TAL1: variants seen among roughly 807,000 people sequenced by gnomAD.
TAL1 encodes the protein TAL bHLH transcription factor 1, erythroid differentiation factor.
TAL1 carries 8 observed loss-of-function variants against 17.9 expected under a neutral mutation model. That is an observed-to-expected ratio of 0.45 (90% CI 0.26 to 0.81). The LOEUF (loss-of-function observed/expected upper bound fraction) is 0.81. Ranked by LOEUF, TAL1 falls within the 30% of genes least tolerant of loss-of-function variation. TAL1 has a pLI of 0.17. For missense variants in TAL1, 466 were observed against 486.9 expected, an observed-to-expected ratio of 0.96 and a Z score of 0.40; for synonymous variants, 223 against 218.6, an observed-to-expected ratio of 1.02 and a Z score of -0.18.
At chr1:47,227,031 T>G (rs2148593432) in intron 1 of TAL1, 1 of 152,354 alleles carries the variant, frequency 6.6e-6, no homozygotes, top group East Asian at 1.9e-4. Flanking sequence ...ACTCACAGCC[T>G]ATCTGTGAGA....
exon 1 of TAL1, chr1:47,229,419 G>A (rs544222953): frequency 2.2e-5 from 4 of 180,296 alleles, no homozygotes; most frequent in African/African-American, 7.1e-5. Flanking sequence ...CAAGAGGGAG[G>A]GAGAGAGAGA....
chr1:47,220,110 A>T, exon 4 of TAL1: 1 of 1,608,268 alleles, frequency 6.2e-7, no homozygotes, highest in Non-Finnish European at 8.5e-7. Context: ...CCCCGTTCAC[A>T]TTCTGCTGCC....
chr1:47,224,041 C>A, exon 3 of TAL1: 1 of 1,613,964 alleles, frequency 6.2e-7, no homozygotes, highest in Non-Finnish European at 8.5e-7. Context: ...AAGGTCTCCT[C>A]TTCACTCGAT....
chr1:47,220,932 G>T (rs891741343), intron 3 of TAL1, among the ~76,000 whole-genome samples: 1 of 152,232 alleles, frequency 6.6e-6, no homozygotes, highest in Non-Finnish European at 1.5e-5. Context: ...AGCTCCAGTG[G>T]CTGGGAAGGC....
chr1:47,224,102 T>C lies in TAL1; in HGVS notation c.447-4A>G. ...ATCCGGCTCCCCAAAGAACCCGCTG[T>C]GGGAGGGAACGGGCAGATCACAAGA... On this transcript the variant is annotated splice_region_variant and splice_polypyrimidine_tract_variant and intron_variant, in intron 2 of 3. Transcript: ENST00000294339. 6.2e-7 allele frequency: 1 copy of C among 1,613,568 alleles called. No individual in the cohort carries two copies. The highest frequency in any genetic ancestry group is 1.1e-5 in the South Asian group (1 of 91,080).
At chr1:47,217,650 C>A in exon 4 of TAL1, 1 of 398,610 alleles carries the variant, frequency 2.5e-6, no homozygotes, top group East Asian at 3.6e-5. Flanking sequence ...AGGAGATAGG[C>A]CAAGCCAGAG....
At chr1:47,216,699 C>T (rs555315565) in exon 4 of TAL1, 15 of 231,760 alleles carry the variant, frequency 6.5e-5, no homozygotes, top group Non-Finnish European at 1.2e-4. Context: ...GTTGTACCAT[C>T]TTGTCATCTG....
chr1:47,226,863 TC>T (rs1643920257), intron 1 of TAL1, among the ~76,000 whole-genome samples: 1 of 152,208 alleles, frequency 6.6e-6, no homozygotes, highest in Non-Finnish European at 1.5e-5. Flanking sequence ...CTTGAACTCT[TC>T]CAGCCCCCCT....
chr1:47,229,593 G>T, exon 1 of TAL1: 1 of 163,006 alleles, frequency 6.1e-6, no homozygotes, highest in East Asian at 1.4e-4. Context: ...ATCAGGAATA[G>T]CTATTTAGTC....
At chr1:47,216,739 C>A (rs1003411477) in exon 4 of TAL1, 46 of 231,632 alleles carry the variant, frequency 2.0e-4, no homozygotes, top group African/African-American at 1.0e-3. Context: ...ATGAATTTGT[C>A]TTAAAAGATG....
At chr1:47,219,790 G>T in exon 4 of TAL1, 1 of 1,611,830 alleles carries the variant, frequency 6.2e-7, no homozygotes. Flanking sequence ...GTGCTTGGGC[G>T]CGGGCTCCTC....
chr1:47,229,555 C>T (rs1302549595), exon 1 of TAL1: 1 of 172,114 alleles, frequency 5.8e-6, no homozygotes, highest in African/African-American at 2.4e-5. Flanking sequence ...CTCCCCCCAC[C>T]CGCCTTAAAA....
At chr1:47,219,085 G>T (rs1645556812) in exon 4 of TAL1, 1 of 334,564 alleles carries the variant, frequency 3.0e-6, no homozygotes, top group Non-Finnish European at 5.6e-6. Context: ...AAGAAGTAAG[G>T]GCGACTGGGT....
Position 47,219,129 on chromosome 1 carries a change from G to A in TAL1, c.*591C>T, listed in dbSNP as rs1299665656. 4 of 410,462 alleles carry A rather than the reference G, an allele frequency of 9.7e-6. No individual in the cohort carries two copies. In the Admixed American group the frequency reaches 1.4e-4, roughly 15 times the overall value. 25.4% of individuals were successfully genotyped at this position (410,462 alleles called of 1,614,324 possible). On this transcript the variant is annotated 3_prime_UTR_variant, in exon 4 of 4. Coordinates refer to ENST00000294339, the Ensembl canonical transcript of TAL1. ...CCTCCGGCCCAGCTCATCTAGAGCAGACTGTCCACTGATCATCTTCTTCAA... is the reference window on the plus strand; with the variant it reads ...CCTCCGGCCCAGCTCATCTAGAGCAAACTGTCCACTGATCATCTTCTTCAA...
exon 4 of TAL1, chr1:47,219,480 G>A (rs1469814284): frequency 1.4e-5 from 10 of 702,626 alleles, no homozygotes; most frequent in Non-Finnish European, 2.3e-5. Flanking sequence ...AGGGAAGACC[G>A]TGCCGTCTTC....
chr1:47,226,845 A>G (rs1487565222), intron 1 of TAL1, among the ~76,000 whole-genome samples: 2 of 151,870 alleles, frequency 1.3e-5, no homozygotes, highest in Non-Finnish European at 1.5e-5. Context: ...ACAGGATGTC[A>G]TGAGGCCCTT....
At chr1:47,217,437 C>T in exon 4 of TAL1, 1 of 397,814 alleles carries the variant, frequency 2.5e-6, no homozygotes, top group Non-Finnish European at 4.4e-6. Flanking sequence ...GAAATGAGGA[C>T]AATCTCAATA....
chr1:47,229,302 C>G (rs966698336), exon 1 of TAL1: 1 of 206,186 alleles, frequency 4.8e-6, no homozygotes, highest in Non-Finnish European at 9.9e-6. Flanking sequence ...TGCTTTCCCC[C>G]TTTTTCGCTG....
chr1:47,221,107 C>G (rs984676476), intron 3 of TAL1, among the ~76,000 whole-genome samples: 13 of 152,226 alleles, frequency 8.5e-5, no homozygotes, highest in African/African-American at 2.9e-4. Flanking sequence ...TCCACAGGGC[C>G]TTGCAGTAAG....
Sources: gnomAD v4.1 joint callset for allele counts (sites outside exome capture counted in the v4.1 genomes callset) on GRCh38, gnomAD v4.1.1 for gene constraint, MANE v1.5 for transcripts, NCBI Gene and HGNC (gene_info 2026-07-23, HGNC 2026-07-21) for gene names.